RBFOX1: variants seen among roughly 807,000 people sequenced by gnomAD.
The protein encoded by RBFOX1 is RNA binding protein fox-1 homolog 1.
A neutral mutation model predicts 57.7 loss-of-function variants in RBFOX1; 8 were observed. The ratio of observed to expected loss-of-function variants is 0.14; its 90% CI spans 0.08 to 0.25. The LOEUF (loss-of-function observed/expected upper bound fraction) is 0.25, where lower values mean the gene tolerates loss of function less well. RBFOX1 is among the 10% of genes least tolerant of loss of function. The pLI is 1.00. For synonymous variants in RBFOX1, 326 were observed against 222.4 expected, an observed-to-expected ratio of 1.47 and a Z score of -4.15; for missense variants, 611 against 548.5, an observed-to-expected ratio of 1.11 and a Z score of -1.14.
intron 4 of RBFOX1, among the ~76,000 whole-genome samples, chr16:5,888,869 G>C (rs917286081): frequency 2.0e-5 from 3 of 149,634 alleles, no homozygotes; most frequent in African/African-American, 7.4e-5. Context: ...ACAATAGCAT[G>C]TACACAGCCC....
intron 3 of RBFOX1, among the ~76,000 whole-genome samples, chr16:6,663,587 C>T (rs1198782367): frequency 6.6e-6 from 1 of 152,180 alleles, no homozygotes; most frequent in South Asian, 2.1e-4. Flanking sequence ...AGCGAAGATA[C>T]TTAAGGCACA....
chr16:7,355,622 G>T (rs911981767), intron 4 of RBFOX1, among the ~76,000 whole-genome samples: 3 of 152,132 alleles, frequency 2.0e-5, no homozygotes, highest in African/African-American at 7.2e-5. Flanking sequence ...CCCCATGTCA[G>T]TCTGTACAGG....
intron 4 of RBFOX1, among the ~76,000 whole-genome samples, chr16:7,286,652 C>G (rs1335260513): frequency 4.1e-5 from 5 of 122,048 alleles, no homozygotes; most frequent in African/African-American, 1.6e-4. Context: ...GAGACAGAGT[C>G]TTACTCTGTC....
chr16:7,394,202 C>G (rs1004879359), intron 4 of RBFOX1, among the ~76,000 whole-genome samples: 3 of 125,718 alleles, frequency 2.4e-5, no homozygotes, highest in Non-Finnish European at 4.7e-5. Context: ...TGCTACTGCA[C>G]TCTAGCCTGG....
At chr16:7,028,331 C>G (rs564574647) in intron 3 of RBFOX1, among the ~76,000 whole-genome samples, 1 of 152,062 alleles carries the variant, frequency 6.6e-6, no homozygotes, top group Non-Finnish European at 1.5e-5. Flanking sequence ...TGAAATTGCT[C>G]TGCCTGGGCT....
intron 1 of RBFOX1, among the ~76,000 whole-genome samples, chr16:6,141,974 G>T (rs1019744411): frequency 4.0e-5 from 6 of 151,404 alleles, no homozygotes; most frequent in Non-Finnish European, 8.8e-5. Context: ...CAGAAGAATG[G>T]TTTCAACCTG....
intron 4 of RBFOX1, among the ~76,000 whole-genome samples, chr16:5,898,019 A>G (rs953534862): frequency 3.9e-5 from 6 of 152,072 alleles, no homozygotes; most frequent in Admixed American, 1.3e-4. Context: ...ATTTATAAGG[A>G]AAGAGGTTTA....
intron 3 of RBFOX1, among the ~76,000 whole-genome samples, chr16:6,805,082 C>A (rs899363666): frequency 6.6e-6 from 1 of 152,072 alleles, no homozygotes; most frequent in Non-Finnish European, 1.5e-5. Flanking sequence ...CCATAAAGAC[C>A]CATGCACGTG....
chr16:6,922,614 G>A (rs1333843597), intron 3 of RBFOX1, among the ~76,000 whole-genome samples: 1 of 152,100 alleles, frequency 6.6e-6, no homozygotes, highest in Non-Finnish European at 1.5e-5. Context: ...TCTTTTACTT[G>A]CTGACTGTTG....
intron 3 of RBFOX1, among the ~76,000 whole-genome samples, chr16:6,939,014 A>G (rs938404865): frequency 6.6e-6 from 1 of 152,126 alleles, no homozygotes; most frequent in Non-Finnish European, 1.5e-5. Context: ...CACTTTCCTT[A>G]GAGATCTGCC....
At chr16:7,412,734 C>T (rs918152787) in intron 4 of RBFOX1, among the ~76,000 whole-genome samples, 1 of 152,166 alleles carries the variant, frequency 6.6e-6, no homozygotes, top group East Asian at 1.9e-4. Context: ...TTCAGATTTT[C>T]CCAGGCTGAT....
At chr16:5,973,040 C>G (rs1340128118) in intron 4 of RBFOX1, among the ~76,000 whole-genome samples, 2 of 152,246 alleles carry the variant, frequency 1.3e-5, no homozygotes, top group East Asian at 1.9e-4. Flanking sequence ...TTCAGCTGCC[C>G]TGAGATGTAC....
In RBFOX1 at chr16:6,212,423, C is replaced by T. The variant is rs371057793; in HGVS notation, c.-126-104572C>T. ...TATGCATTTATAAAGCATATATCCA[C>T]GGCTGGGTGTTTTGGCTCACCCCTG... On this transcript the variant is annotated intron_variant, in intron 1 of 15. Coordinates refer to ENST00000550418, the MANE Select transcript of RBFOX1 (RefSeq NM_018723.4). 1.1e-3 allele frequency among the ~76,000 whole-genome samples: 167 copies of T among 151,160 alleles called. 2 individuals carry two copies. Among genetic ancestry groups the T allele is most frequent in the African/African-American group, 3.6e-3 (149 of 41,250 alleles).
intron 3 of RBFOX1, among the ~76,000 whole-genome samples, chr16:6,819,444 G>A (rs1032648472): frequency 6.6e-6 from 1 of 152,114 alleles, no homozygotes; most frequent in African/African-American, 2.4e-5. Flanking sequence ...CGGGCATGGT[G>A]GCTGAGGCCA....
At chr16:5,432,370 C>G (rs1299243211) in intron 1 of RBFOX1, among the ~76,000 whole-genome samples, 1 of 152,148 alleles carries the variant, frequency 6.6e-6, no homozygotes, top group Non-Finnish European at 1.5e-5. Flanking sequence ...GTGAAGCTCT[C>G]GACTGCTCCG....
rs184497677 is a variant in RBFOX1 at position 7,694,817 on chromosome 16, G to T, written c.996-14239G>T. Reference sequence around the variant, plus strand: ...GGGAGACCGCTTGGAATGGGAGGTAGGGGTGGGGAATAATGTTAATTTAAA... The same window carrying T: ...GGGAGACCGCTTGGAATGGGAGGTATGGGTGGGGAATAATGTTAATTTAAA... On this transcript the variant is annotated intron_variant, in intron 14 of 15. Transcript: ENST00000550418. 3.3e-4 allele frequency among the ~76,000 whole-genome samples: 50 copies of T among 152,270 alleles called. No individual in the cohort carries two copies. In the East Asian group the frequency reaches 6.2e-3, roughly 19 times the overall value.
chr16:6,531,801 C>T (rs982912614), intron 2 of RBFOX1, among the ~76,000 whole-genome samples: 13 of 152,214 alleles, frequency 8.5e-5, no homozygotes, highest in Admixed American at 4.6e-4. Context: ...ACCCAATTTA[C>T]GAAGGAGTGA....
At chr16:5,518,829 T>C (rs2043899840) in intron 2 of RBFOX1, among the ~76,000 whole-genome samples, 1 of 152,226 alleles carries the variant, frequency 6.6e-6, no homozygotes, top group Non-Finnish European at 1.5e-5. Context: ...TTCAAGATGA[T>C]GGCTGTTATG....
intron 4 of RBFOX1, among the ~76,000 whole-genome samples, chr16:5,893,239 C>G (rs1039303963): frequency 6.6e-6 from 1 of 152,172 alleles, no homozygotes; most frequent in Non-Finnish European, 1.5e-5. Context: ...ATTTTGCACT[C>G]TGGTTTTAGC....
Sources: gnomAD v4.1 joint callset for allele counts (sites outside exome capture counted in the v4.1 genomes callset) on GRCh38, gnomAD v4.1.1 for gene constraint, MANE v1.5 for transcripts, NCBI Gene and HGNC (gene_info 2026-07-23, HGNC 2026-07-21) for gene names.